EML6: variants seen among roughly 807,000 people sequenced by gnomAD.
The protein encoded by EML6 is EMAP like 6, also known as echinoderm microtubule-associated protein-like 6.
EML6 carries 154 observed loss-of-function variants against 240.1 expected under a neutral mutation model. The ratio of observed to expected loss-of-function variants is 0.64; its 90% confidence interval spans 0.56 to 0.73. The LOEUF (loss-of-function observed/expected upper bound fraction) is 0.73, where lower values mean the gene tolerates loss of function less well. EML6 is among the 30% of genes least tolerant of loss of function. EML6 has a pLI of 0.00. For missense variants in EML6, 2,964 were observed against 2,474.6 expected (o/e 1.20, Z -4.20); for synonymous variants, 1,148 against 899.0 (o/e 1.28, Z -4.95).
chr2:54,836,720 C>A (rs977046005), intron 7 of EML6, among the ~76,000 whole-genome samples: 1 of 152,146 alleles, frequency 6.6e-6, no homozygotes, highest in Non-Finnish European at 1.5e-5. Flanking sequence ...TCAGGAGGGC[C>A]CTGCGGTTGG....
chr2:54,726,172 A>G (rs1359827439), intron 2 of EML6, among the ~76,000 whole-genome samples: 1 of 152,222 alleles, frequency 6.6e-6, no homozygotes, highest in Non-Finnish European at 1.5e-5. Context: ...TTTTCGTCAT[A>G]TGGGAGCCTC....
At chr2:54,789,535 A>G (rs1267196793) in intron 2 of EML6, among the ~76,000 whole-genome samples, 2 of 147,068 alleles carry the variant, frequency 1.4e-5, no homozygotes, top group African/African-American at 5.1e-5. Flanking sequence ...AAAAAAAAAA[A>G]AAAAAAAAAA....
intron 15 of EML6, among the ~76,000 whole-genome samples, chr2:54,870,124 A>G (rs564246191): frequency 1.8e-4 from 28 of 152,352 alleles, no homozygotes; most frequent in African/African-American, 6.5e-4. Flanking sequence ...GGCAAATTCT[A>G]AGAAAACATT....
chr2:54,841,454 C>T lies in EML6; in HGVS notation c.848-2593C>T, dbSNP rs78141679. On this transcript the variant is annotated intron_variant, in intron 7 of 41. Coordinates refer to ENST00000356458, the MANE Select transcript of EML6 (RefSeq NM_001039753.4). ...AAAAACTACTTTCTCTTAATAAATG[C>T]ATTTATCTCATTGGATCCTCTCGGG... is the stretch of plus-strand genomic sequence containing the variant. Among the ~76,000 whole-genome samples, 975 of 152,196 alleles carry T rather than the reference C, an allele frequency of 6.4e-3. 7 individuals carry two copies. The highest frequency in any genetic ancestry group is 0.022 in the African/African-American group (919 of 41,532).
chr2:54,887,344 C>T (rs982703197), intron 17 of EML6, among the ~76,000 whole-genome samples: 2 of 152,194 alleles, frequency 1.3e-5, no homozygotes, highest in Non-Finnish European at 2.9e-5. Context: ...ATTTTATAAA[C>T]AATTTTCCCT....
intron 2 of EML6, among the ~76,000 whole-genome samples, chr2:54,801,803 G>A (rs975257208): frequency 2.6e-5 from 4 of 152,174 alleles, no homozygotes; most frequent in Non-Finnish European, 5.9e-5. Context: ...AGAAAACTAT[G>A]AGGCCCTATG....
intron 2 of EML6, among the ~76,000 whole-genome samples, chr2:54,810,490 TC>T (rs769816856): frequency 2.6e-4 from 39 of 152,348 alleles, no homozygotes; most frequent in Non-Finnish European, 5.1e-4. Flanking sequence ...ATTATTTGCT[TC>T]TGGATGCTTC....
chr2:54,851,149 C>T (rs996703374), intron 10 of EML6, among the ~76,000 whole-genome samples: 3 of 152,202 alleles, frequency 2.0e-5, no homozygotes, highest in African/African-American at 7.2e-5. Context: ...TGGCTCATGC[C>T]TGTAATCCTA....
At chr2:54,844,661 A>C (rs1448009278) in intron 8 of EML6, among the ~76,000 whole-genome samples, 4 of 152,240 alleles carry the variant, frequency 2.6e-5, no homozygotes, top group African/African-American at 9.7e-5. Context: ...TCTGATTCTC[A>C]AAATTGTCTT....
chr2:54,909,353 TA>T, intron 24 of EML6, among the ~76,000 whole-genome samples: 1 of 152,342 alleles, frequency 6.6e-6, no homozygotes, highest in East Asian at 1.9e-4. Flanking sequence ...TTTTCTCACT[TA>T]CATATATTCA....
At chr2:54,765,459 A>T (rs1255241396) in intron 2 of EML6, among the ~76,000 whole-genome samples, 1 of 151,864 alleles carries the variant, frequency 6.6e-6, no homozygotes, top group African/African-American at 2.4e-5. Context: ...GCATTCTTTT[A>T]TTTTTATTTT....
intron 26 of EML6, among the ~76,000 whole-genome samples, chr2:54,918,691 A>G (rs1185298695): frequency 2.0e-5 from 3 of 152,218 alleles, no homozygotes; most frequent in African/African-American, 7.2e-5. Flanking sequence ...TTCTTTAATC[A>G]GTAACAGACA....
At chr2:54,872,664 C>T (rs1284440044) in intron 16 of EML6, among the ~76,000 whole-genome samples, 1 of 152,198 alleles carries the variant, frequency 6.6e-6, no homozygotes, top group Non-Finnish European at 1.5e-5. Flanking sequence ...TCCTTAGCAG[C>T]ATTTTTAACC....
chr2:54,772,311 T>C (rs1348010545), intron 2 of EML6, among the ~76,000 whole-genome samples: 5 of 152,184 alleles, frequency 3.3e-5, no homozygotes, highest in Non-Finnish European at 7.3e-5. Context: ...AGAAGTGCTA[T>C]GGAAATATGA....
Position 54,774,636 on chromosome 2 carries a change from G to T in EML6, c.198-38596G>T, listed in dbSNP as rs1276265682. 6.6e-6 allele frequency among the ~76,000 whole-genome samples: 1 copy of T among 152,194 alleles called. No homozygotes were observed. Among genetic ancestry groups the T allele is most frequent in the Non-Finnish European group, 1.5e-5 (1 of 68,030 alleles). ...CCTTTTGCAAGAGGACCTGGCTTAT[G>T]GTAAGCATCCAATCTATCTTAGATG... On this transcript the variant is annotated intron_variant, in intron 2 of 41. Transcript: ENST00000356458. This position sits in a 1 kb window ranked among gnomAD's most constrained non-coding sequence, Gnocchi z 4.1.
intron 2 of EML6, among the ~76,000 whole-genome samples, chr2:54,808,541 A>G (rs1000386264): frequency 6.6e-6 from 1 of 152,034 alleles, no homozygotes; most frequent in Non-Finnish European, 1.5e-5. Context: ...AAACAAAAAC[A>G]AAAAAAACTA....
At position 54,962,528 on chromosome 2, in the gene EML6, AATCTT is replaced by A; in HGVS notation, c.4976_4980del (p.Ile1659SerfsTer10). 1 of 1,542,676 alleles carries A rather than the reference AATCTT, an allele frequency of 6.5e-7. No homozygotes were observed. Among genetic ancestry groups the A allele is most frequent in the Non-Finnish European group, 8.8e-7 (1 of 1,142,746 alleles). ...TAGTGTTTCAATTACAACAGGGAAA[AATCTT>A]AGTGGGAACCAAAGACGGAGAAATA... On this transcript the variant is annotated frameshift_variant, in exon 36 of 42. Coordinates refer to ENST00000356458, the MANE Select transcript of EML6 (RefSeq NM_001039753.4). LOFTEE classifies it high-confidence loss of function.
intron 17 of EML6, among the ~76,000 whole-genome samples, chr2:54,888,495 G>T (rs1034383562): frequency 2.6e-5 from 4 of 152,124 alleles, no homozygotes; most frequent in African/African-American, 7.2e-5. Flanking sequence ...AGTTCTTTGT[G>T]TTCTGCCTAT....
chr2:54,751,453 C>G (rs552235713), intron 2 of EML6, among the ~76,000 whole-genome samples: 5 of 151,874 alleles, frequency 3.3e-5, no homozygotes, highest in African/African-American at 1.2e-4. Flanking sequence ...TTATGCAAAG[C>G]ACAAGGGAAC....
Sources: gnomAD v4.1 joint callset for allele counts (sites outside exome capture counted in the v4.1 genomes callset) on GRCh38, gnomAD v4.1.1 for gene constraint, Gnocchi (gnomAD v3.1) non-coding constraint, MANE v1.5 for transcripts, NCBI Gene and HGNC (gene_info 2026-07-23, HGNC 2026-07-21) for gene names.